Variants in ZC3H4 observed in about 807,000 individuals in gnomAD.
ZC3H4 encodes zinc finger CCCH-type containing 4, also known as zinc finger CCCH domain-containing protein 4.
ZC3H4 carries 13 observed loss-of-function variants against 108.3 expected under a neutral mutation model. The ratio of observed to expected loss-of-function variants is 0.12; its 90% CI spans 0.08 to 0.19. ZC3H4 has a LOEUF of 0.19. ZC3H4 is among the 10% of genes least tolerant of loss of function. The pLI is 1.00. For synonymous variants in ZC3H4, 917 were observed against 749.6 expected (o/e 1.22, Z -3.65); for missense variants, 1,734 against 1,838.8 (o/e 0.94, Z 1.04).
In ZC3H4 at chr19:47,072,020, T is replaced by TC. The variant is rs755492969; in HGVS notation, c.1903dup (p.Asp635GlyfsTer9). The TC allele has an allele frequency of 1.2e-5, 19 of 1,589,988 alleles. No individual in the cohort carries two copies. The highest frequency in any genetic ancestry group is 1.7e-4 in the Middle Eastern group (1 of 6,044). ...GTCAGGGTGCATGTCCGGGTGCATG[T>TC]CGGGGTGCATGTCAGGATGCATTGG... On this transcript the variant is annotated frameshift_variant, in exon 13 of 15. Coordinates refer to ENST00000253048, the MANE Select transcript of ZC3H4 (RefSeq NM_015168.2). LOFTEE classifies it high-confidence loss of function. This position sits in a 1 kb window ranked among gnomAD's most constrained non-coding sequence, Gnocchi z 5.6.
chr19:47,079,672 CG>C (rs2057486895), intron 11 of ZC3H4, among the ~76,000 whole-genome samples: 1 of 152,076 alleles, frequency 6.6e-6, no homozygotes, highest in Non-Finnish European at 1.5e-5. Flanking sequence ...CCAAGGTGGG[CG>C]GATCACAAGG....
chr19:47,068,862 C>T (rs1364172668), intron 14 of ZC3H4, among the ~76,000 whole-genome samples: 2 of 152,202 alleles, frequency 1.3e-5, no homozygotes, highest in African/African-American at 4.8e-5. Context: ...CTCCATCCTA[C>T]TCCATGGGAT....
chr19:47,106,190 T>C (rs887359441), intron 2 of ZC3H4, among the ~76,000 whole-genome samples: 5 of 152,184 alleles, frequency 3.3e-5, no homozygotes, highest in African/African-American at 7.2e-5. Flanking sequence ...ACTTAGGAGA[T>C]GAACTCAAGA....
chr19:47,112,674 G>A, intron 1 of ZC3H4, 85 bp from the exon 2 acceptor site: 1 of 781,644 alleles, frequency 1.3e-6, no homozygotes, highest in Non-Finnish European at 1.7e-6. Context: ...GAGGGCTCCT[G>A]ATGGGAATGG....
chr19:47,094,543 G>T lies in ZC3H4; in HGVS notation c.227C>A (p.Ser76Tyr). 1 of 1,614,172 alleles carries T rather than the reference G, an allele frequency of 6.2e-7. No homozygotes were observed. The highest frequency in any genetic ancestry group is 8.5e-7 in the Non-Finnish European group (1 of 1,180,046). ...TTTCCGGCTTCTCTCAGGCCCTCCG[G>T]AGGTATCCTGGGTCTCCTCTGCCCC... ...DDGAEETQDT[S>Y]GGPERSRKEK... Residue 76 changes from serine to tyrosine, a missense_variant, in exon 3 of 15, where the codon TCC becomes TAC. Ser to Tyr is a moderately radical substitution (Grantham distance 144, BLOSUM62 -2). Around this residue, in one of 9 missense-constraint regions of ZC3H4, gnomAD observed 403 missense variants for 457.0 expected, o/e 0.88. Coordinates refer to ENST00000253048, the MANE Select transcript of ZC3H4 (RefSeq NM_015168.2).
At position 47,066,171 on chromosome 19, in the gene ZC3H4, A is replaced by G; in HGVS notation, c.*185T>C. 2 of 535,084 alleles carry G rather than the reference A, an allele frequency of 3.7e-6. No homozygotes were observed. The highest frequency in any genetic ancestry group is 3.4e-5 in the South Asian group (1 of 29,364). The allele number at this position is 535,084 out of a possible 1,614,324, so 33.1% of individuals were successfully genotyped here. On this transcript the variant is annotated 3_prime_UTR_variant, in exon 15 of 15. Transcript: ENST00000253048. Reference sequence around the variant, plus strand: ...TGACCAGAACTTAAGATGGTTATATACAATTTACAAATCTCAAAGAAAGTA... The same window carrying G: ...TGACCAGAACTTAAGATGGTTATATGCAATTTACAAATCTCAAAGAAAGTA...
chr19:47,094,438 C>T lies in ZC3H4; in HGVS notation c.332G>A (p.Arg111Gln). The change falls in exon 3 of 15, where the codon CGG becomes CAG. Residue 111 changes from arginine to glutamine, a missense_variant. Physicochemically the swap from Arg to Gln is conservative, Grantham distance 43. This residue lies in a region of ZC3H4 where 403 missense variants were observed against 457.0 expected (regional missense o/e 0.88). Transcript: ENST00000253048. ...RRLKRKRKKE[R>Q]EKEKRRSKKR... ...CTTCGACCTCCTTTTCTCTTTCTCC[C>T]GCTCTTTCTTCCGTTTCCGCTTCAG... The T allele has an allele frequency of 6.2e-7, 1 of 1,614,144 alleles. No individual in the cohort carries two copies. The highest frequency in any genetic ancestry group is 8.5e-7 in the Non-Finnish European group (1 of 1,180,034).
At chr19:47,069,590 G>A (rs189531411) in intron 13 of ZC3H4, among the ~76,000 whole-genome samples, 114 of 152,334 alleles carry the variant, frequency 7.5e-4, no homozygotes, top group African/African-American at 2.6e-3. Context: ...GAAACAGGAT[G>A]GAACATTGGA....
In ZC3H4 at chr19:47,072,601, G is replaced by A; in HGVS notation, c.1553C>T (p.Pro518Leu). 6.2e-7 allele frequency: 1 copy of A among 1,606,924 alleles called. No homozygotes were observed. Among genetic ancestry groups the A allele is most frequent in the Non-Finnish European group, 8.5e-7 (1 of 1,178,078 alleles). The change falls in exon 12 of 15, where the codon CCC (proline) becomes CTC (leucine). Residue 518 changes from proline (P) to leucine (L), a missense_variant. Physicochemically the swap from Pro to Leu is moderately conservative, Grantham distance 98. This residue lies in a region of ZC3H4 where 66 missense variants were observed against 166.8 expected (regional missense o/e 0.40). Coordinates refer to ENST00000253048, the MANE Select transcript of ZC3H4 (RefSeq NM_015168.2). The surrounding 1 kb of genome is among the most constrained non-coding windows in gnomAD (Gnocchi z 5.6). ...CGGGCCAGGGGGCCGAGGAGGGGTG[G>A]GCAGGAGGCCCACACCAGGGGGCGG... is the stretch of plus-strand genomic sequence containing the variant. ...PKPPPGVGLL[P>L]TPPRPPGPQA...
chr19:47,104,736 T>C lies in ZC3H4; in HGVS notation c.161+7688A>G, dbSNP rs538876484. ...TGTGGCCCACAAGCTTCAGTTACTG[T>C]GACTGCTCTCGTTCCCCGTGGAGTG... is the stretch of plus-strand genomic sequence containing the variant. On this transcript the variant is annotated intron_variant, in intron 2 of 14. Coordinates refer to ENST00000253048, the MANE Select transcript of ZC3H4 (RefSeq NM_015168.2). Among the ~76,000 whole-genome samples, 85 of 152,352 alleles carry C rather than the reference T, an allele frequency of 5.6e-4. 1 individual carries two copies. The highest frequency in any genetic ancestry group is 1.9e-3 in the African/African-American group (79 of 41,582).
Position 47,071,897 on chromosome 19 carries a change from G to C in ZC3H4, c.2027C>G (p.Pro676Arg), listed in dbSNP as rs1428432250. 16 of 1,612,282 alleles carry C rather than the reference G, an allele frequency of 9.9e-6. No homozygotes were observed. The highest frequency in any genetic ancestry group is 1.4e-5 in the Non-Finnish European group (16 of 1,179,248). ...CATTCCAGAATGTGGGGAGTCTCCAGGGCCGTAGGGCATCATTGGAGGGCC... is the reference window on the plus strand; with the variant it reads ...CATTCCAGAATGTGGGGAGTCTCCACGGCCGTAGGGCATCATTGGAGGGCC... The part of the protein sequence containing the change: ...PGGPPMMPYG[P>R]GDSPHSGMMP... Residue 676 changes from proline to arginine, a missense_variant, in exon 13 of 15, where the codon CCT becomes CGT. Physicochemically the swap from Pro to Arg is moderately radical, Grantham distance 103. This residue lies in a region of ZC3H4 where 540 missense variants were observed against 484.1 expected (regional missense o/e 1.12). Coordinates refer to ENST00000253048, the MANE Select transcript of ZC3H4 (RefSeq NM_015168.2).
intron 11 of ZC3H4, among the ~76,000 whole-genome samples, chr19:47,078,605 C>A (rs961963588): frequency 2.0e-5 from 3 of 152,206 alleles, no homozygotes; most frequent in East Asian, 3.9e-4. Context: ...ACCAGCCTGG[C>A]CAACATGGTG....
At chr19:47,111,955 C>A (rs552828948) in intron 2 of ZC3H4, among the ~76,000 whole-genome samples, 29 of 152,106 alleles carry the variant, frequency 1.9e-4, no homozygotes, top group Non-Finnish European at 4.1e-4. Flanking sequence ...TGTTCGAGAT[C>A]CCCCCAAAAA....
At chr19:47,109,971 G>A (rs907365365) in intron 2 of ZC3H4, among the ~76,000 whole-genome samples, 5 of 152,270 alleles carry the variant, frequency 3.3e-5, no homozygotes, top group Non-Finnish European at 5.9e-5. Flanking sequence ...GGGGCTGGAG[G>A]AGGTGTTCCC....
At chr19:47,094,280 C>A in intron 3 of ZC3H4, 109 bp downstream of exon 3, 2 of 1,275,962 alleles carry the variant, frequency 1.6e-6, no homozygotes. Context: ...TTGAGATAAG[C>A]AAAGGCATTA....
chr19:47,082,645 A>AT (rs2057544940), intron 9 of ZC3H4, among the ~76,000 whole-genome samples: 1 of 152,044 alleles, frequency 6.6e-6, no homozygotes, highest in African/African-American at 2.4e-5. Flanking sequence ...CCTTTTGTCC[A>AT]TTTTTCTTCC....
intron 10 of ZC3H4, among the ~76,000 whole-genome samples, chr19:47,081,854 T>C (rs796453967): frequency 4.6e-5 from 7 of 152,220 alleles, no homozygotes; most frequent in African/African-American, 1.7e-4. Context: ...GGGGGCTGCG[T>C]CCTCAGATGG....
chr19:47,085,742 C>T (rs1044362465), intron 6 of ZC3H4, among the ~76,000 whole-genome samples: 11 of 152,282 alleles, frequency 7.2e-5, no homozygotes, highest in South Asian at 4.2e-4. Context: ...GCACCTGCCG[C>T]TCCTCCTCCT....
At chr19:47,094,330 G>C in intron 3 of ZC3H4, 59 bp downstream of exon 3, 8 of 1,588,120 alleles carry the variant, frequency 5.0e-6, no homozygotes, top group Non-Finnish European at 6.9e-6. Flanking sequence ...CTCAGCCCCT[G>C]GGGCTCTCAG....
Sources: allele counts gnomAD v4.1 joint callset (sites outside exome capture counted in the v4.1 genomes callset), GRCh38; gene constraint gnomAD v4.1.1; regional missense constraint gnomAD v4.1.1; non-coding constraint Gnocchi (gnomAD v3.1); transcripts MANE v1.5; gene names NCBI Gene and HGNC (gene_info 2026-07-23, HGNC 2026-07-21).